Variants in ELMO1 observed in about 807,000 individuals in gnomAD.
ELMO1 encodes the protein engulfment and cell motility protein 1.
Under a neutral mutation model 98.9 loss-of-function variants are expected in ELMO1, and 26 were observed. The ratio of observed to expected loss-of-function variants is 0.26; its 90% CI spans 0.19 to 0.36. The LOEUF is 0.36. ELMO1 is among the 10% of genes least tolerant of loss of function. The probability of loss-of-function intolerance (pLI) is 1.00; values close to 1 mark genes in which losing one functional copy is unlikely to be tolerated. For missense variants in ELMO1, 627 were observed against 935.2 expected (o/e 0.67, Z 4.30); for synonymous variants, 346 against 346.0 (o/e 1.00, Z 0.00).
rs184658432 is a variant in ELMO1 at position 37,140,258 on chromosome 7, C to A, written c.1087-7024G>T. On this transcript the variant is annotated intron_variant, in intron 13 of 21. Transcript: ENST00000310758. ...AAAATTAGCTGGGCGTGGTGGCAGG[C>A]GCCTATAGTCCCAACTACTCCGGAG... 2.0e-5 allele frequency among the ~76,000 whole-genome samples: 3 copies of A among 150,856 alleles called. No individual in the cohort carries two copies. The East Asian group carries it at 5.9e-4, about 29-fold the overall frequency.
intron 4 of ELMO1, among the ~76,000 whole-genome samples, chr7:37,314,433 T>C (rs1799043971): frequency 6.6e-6 from 1 of 152,224 alleles, no homozygotes; most frequent in Non-Finnish European, 1.5e-5. Flanking sequence ...TAGAACACTC[T>C]TAGTGCCTAC....
intron 14 of ELMO1, chr7:37,117,133 G>A (rs1045959118): frequency 3.9e-5 from 8 of 207,426 alleles, no homozygotes; most frequent in South Asian, 2.0e-4. Context: ...TCCAACCTGC[G>A]GGTCACTCAG....
At chr7:37,337,373 T>C in intron 2 of ELMO1, among the ~76,000 whole-genome samples, 1 of 151,844 alleles carries the variant, frequency 6.6e-6, no homozygotes, top group Non-Finnish European at 1.5e-5. Flanking sequence ...CCGGGGCCTC[T>C]TGTGGGGTAA....
At chr7:36,869,621 T>C (rs1690288784) in intron 20 of ELMO1, among the ~76,000 whole-genome samples, 1 of 152,182 alleles carries the variant, frequency 6.6e-6, no homozygotes, top group Admixed American at 6.5e-5. Flanking sequence ...ATGGTATAGA[T>C]CACAAGATTC....
intron 4 of ELMO1, among the ~76,000 whole-genome samples, chr7:37,272,453 A>C (rs1423021805): frequency 6.6e-6 from 1 of 152,216 alleles, no homozygotes; most frequent in Non-Finnish European, 1.5e-5. Flanking sequence ...GGATCACCTG[A>C]GGTCAGGAGT....
intron 16 of ELMO1, chr7:36,985,994 A>G: frequency 1.0e-6 from 1 of 1,002,860 alleles, no homozygotes; most frequent in Non-Finnish European, 1.2e-6. Flanking sequence ...AAAGCGACTT[A>G]GAGTCGTCCC....
intron 2 of ELMO1, among the ~76,000 whole-genome samples, chr7:37,331,333 C>CT (rs776303689): frequency 1.1e-3 from 32 of 28,736 alleles, no homozygotes; most frequent in African/African-American, 3.5e-3. Flanking sequence ...CCACGCCTGG[C>CT]TTTTTTTTTT....
chr7:36,990,210 T>C (rs973220216), intron 16 of ELMO1, among the ~76,000 whole-genome samples: 3 of 152,214 alleles, frequency 2.0e-5, no homozygotes, highest in East Asian at 1.9e-4. Context: ...CTGGACTTTC[T>C]GGCGATTTTT....
chr7:37,274,820 G>A (rs1162687576), intron 4 of ELMO1, among the ~76,000 whole-genome samples: 2 of 152,050 alleles, frequency 1.3e-5, no homozygotes, highest in African/African-American at 4.8e-5. Flanking sequence ...CAAAGTGTTG[G>A]GATTATAGGC....
At chr7:36,874,852 G>A (rs1043747136) in intron 19 of ELMO1, among the ~76,000 whole-genome samples, 1 of 152,114 alleles carries the variant, frequency 6.6e-6, no homozygotes, top group Non-Finnish European at 1.5e-5. Context: ...AGAAGATGTC[G>A]ATTTTCAAAG....
chr7:37,126,549 C>G (rs548930528), intron 14 of ELMO1, among the ~76,000 whole-genome samples: 5 of 152,074 alleles, frequency 3.3e-5, no homozygotes, highest in African/African-American at 1.2e-4. Flanking sequence ...TTTACCTGCT[C>G]AATATATTGT....
intron 13 of ELMO1, among the ~76,000 whole-genome samples, chr7:37,163,878 G>C (rs1477576470): frequency 2.0e-5 from 3 of 152,184 alleles, no homozygotes; most frequent in African/African-American, 7.2e-5. Flanking sequence ...GGGTTAAATG[G>C]TATTTCTAGT....
At chr7:37,234,037 A>G (rs997317260) in intron 7 of ELMO1, among the ~76,000 whole-genome samples, 1 of 152,204 alleles carries the variant, frequency 6.6e-6, no homozygotes, top group Admixed American at 6.5e-5. Context: ...ACAACACTTT[A>G]GCAGAGACTT....
chr7:36,863,633 G>A lies in ELMO1; in HGVS notation c.1906-1897C>T, dbSNP rs115091955. ...TTAGCCACCAAGGGAAATGTATTTG[G>A]CCATTCAGTAAGATAATTATAGGGA... On this transcript the variant is annotated intron_variant, in intron 20 of 21. Transcript: ENST00000310758. 2.9e-3 allele frequency among the ~76,000 whole-genome samples: 445 copies of A among 152,254 alleles called. 3 individuals are homozygous for A. Among genetic ancestry groups the A allele is most frequent in the African/African-American group, 0.011 (437 of 41,552 alleles).
At chr7:36,916,212 T>G (rs1440938185) in intron 16 of ELMO1, among the ~76,000 whole-genome samples, 1 of 152,210 alleles carries the variant, frequency 6.6e-6, no homozygotes, top group Non-Finnish European at 1.5e-5. Flanking sequence ...TAGGTAATTC[T>G]TTTGGTGTTA....
chr7:37,097,926 T>C (rs1303146351), intron 14 of ELMO1, among the ~76,000 whole-genome samples: 2 of 152,132 alleles, frequency 1.3e-5, no homozygotes, highest in Admixed American at 6.6e-5. Flanking sequence ...TAATAAATTA[T>C]CCTCTTTTCT....
At chr7:37,064,009 C>T (rs527300793) in intron 15 of ELMO1, among the ~76,000 whole-genome samples, 2 of 152,178 alleles carry the variant, frequency 1.3e-5, no homozygotes, top group South Asian at 4.2e-4. Flanking sequence ...GGTCGTCTGC[C>T]GTATCCACTT....
At position 37,135,058 on chromosome 7, in the gene ELMO1, A is replaced by T. The variant is rs1042037237; in HGVS notation, c.1087-1824T>A. On this transcript the variant is annotated intron_variant, in intron 13 of 21. Transcript: ENST00000310758. ...ACTTGTACCCCATAAATTTACCCAAATAAAAAATAGTTACAAATATGCCTA... is the reference window on the plus strand; with the variant it reads ...ACTTGTACCCCATAAATTTACCCAATTAAAAAATAGTTACAAATATGCCTA... Among the ~76,000 whole-genome samples the T allele has an allele frequency of 1.1e-4, 17 of 152,356 alleles. No homozygotes were observed. In the East Asian group the frequency reaches 3.3e-3, roughly 29 times the overall value.
chr7:36,998,241 C>G (rs1358117486), intron 16 of ELMO1, among the ~76,000 whole-genome samples: 3 of 152,166 alleles, frequency 2.0e-5, no homozygotes, highest in African/African-American at 7.2e-5. Context: ...AATGTGACTT[C>G]TTTCCAGTCT....
Sources: gnomAD v4.1 joint callset for allele counts (sites outside exome capture counted in the v4.1 genomes callset) on GRCh38, gnomAD v4.1.1 for gene constraint, MANE v1.5 for transcripts, NCBI Gene and HGNC (gene_info 2026-07-23, HGNC 2026-07-21) for gene names.